Variants in RPN2 observed in about 807,000 individuals in gnomAD.
The protein encoded by RPN2 is dolichyl-diphosphooligosaccharide--protein glycosyltransferase subunit 2.
In RPN2, 29 loss-of-function variants were observed where a neutral mutation model predicts 71.4. The observed-to-expected ratio is 0.41, with a 90% CI of 0.30 to 0.55. The LOEUF is 0.55. Ranked by LOEUF, RPN2 falls within the 20% of genes least tolerant of loss-of-function variation. The probability of loss-of-function intolerance (pLI) is 0.35; values close to 1 mark genes in which losing one functional copy is unlikely to be tolerated. For synonymous variants in RPN2, 308 were observed against 305.0 expected, an observed-to-expected ratio of 1.01 and a Z score of -0.10; for missense variants, 726 against 774.1, an observed-to-expected ratio of 0.94 and a Z score of 0.74.
chr20:37,227,561 C>A (rs2068109603), intron 11 of RPN2, among the ~76,000 whole-genome samples: 1 of 152,166 alleles, frequency 6.6e-6, no homozygotes, highest in African/African-American at 2.4e-5. Context: ...GGTGGTGGTT[C>A]TTTGTTGTTC....
At chr20:37,210,543 T>C in intron 8 of RPN2, among the ~76,000 whole-genome samples, 1 of 151,532 alleles carries the variant, frequency 6.6e-6, no homozygotes. Context: ...TTTTTTTTTT[T>C]TTTTGAGGCG....
chr20:37,208,557 A>G lies in RPN2; in HGVS notation c.867+1108A>G, dbSNP rs77778081. ...TTTACGACAGCTGTTTTAATTCTCA[A>G]TTAATTCTGGTGTTTATGGTTGATC... On this transcript the variant is annotated intron_variant, in intron 7 of 16. Coordinates refer to ENST00000237530, the MANE Select transcript of RPN2 (RefSeq NM_002951.5). 5.1e-3 allele frequency among the ~76,000 whole-genome samples: 774 copies of G among 152,204 alleles called. 10 individuals are homozygous for G. The highest frequency in any genetic ancestry group is 0.03 in the East Asian group (157 of 5,180).
In RPN2 at chr20:37,230,007, C is replaced by T; in HGVS notation, c.1529C>T (p.Ala510Val). 6.2e-7 allele frequency: 1 copy of T among 1,614,182 alleles called. No homozygotes were observed. Among genetic ancestry groups the T allele is most frequent in the Non-Finnish European group, 8.5e-7 (1 of 1,180,002 alleles). ...GTCATCAAGTTCCCTGAGGAAGAAG[C>T]TCCCTCGACTGTCTTGTCCCAGAAC... ...DVVIKFPEEE[A>V]PSTVLSQNLF... Residue 510 changes from alanine to valine, a missense_variant, in exon 13 of 17, where the codon GCT (alanine) becomes GTT (valine). By Grantham distance (64) the Ala-to-Val change is moderately conservative (BLOSUM62 0). Coordinates refer to ENST00000237530, the MANE Select transcript of RPN2 (RefSeq NM_002951.5).
At chr20:37,223,208 G>A (rs1437866162) in intron 9 of RPN2, among the ~76,000 whole-genome samples, 1 of 152,150 alleles carries the variant, frequency 6.6e-6, no homozygotes, top group Non-Finnish European at 1.5e-5. Context: ...TGACTCCATG[G>A]GGGCAGGGAA....
At chr20:37,232,203 A>C in intron 13 of RPN2, 93 bp from the exon 14 acceptor site, 2 of 1,500,848 alleles carry the variant, frequency 1.3e-6, no homozygotes, top group Non-Finnish European at 1.9e-6. Flanking sequence ...TATCCTCTTC[A>C]TGACTGACAT....
intron 16 of RPN2, chr20:37,238,719 C>G: frequency 1.4e-6 from 1 of 701,378 alleles, no homozygotes; most frequent in Non-Finnish European, 2.7e-6. Context: ...TTCATTCTCC[C>G]TTATATCCCG....
intron 2 of RPN2, among the ~76,000 whole-genome samples, chr20:37,195,932 T>TA (rs1294322037): frequency 6.6e-6 from 1 of 152,142 alleles, no homozygotes; most frequent in African/African-American, 2.4e-5. Flanking sequence ...TTCATAAAAT[T>TA]AAAAAAATGC....
chr20:37,184,282 C>G lies in RPN2; in HGVS notation c.116C>G (p.Ala39Gly), dbSNP rs1255102030. ...AAGCATGACGTGGAGAGACTAAAAG[C>G]CTCGCTGGATCGCCCTTTCACAAAT... The part of the protein sequence containing the change: ...LTKHDVERLK[A>G]SLDRPFTNLE... Residue 39 changes from alanine (A) to glycine (G), a missense_variant, in exon 2 of 17, where the codon GCC (alanine) becomes GGC (glycine). Transcript: ENST00000237530. 5 of 1,614,180 alleles carry G rather than the reference C, an allele frequency of 3.1e-6. No individual in the cohort carries two copies. Among genetic ancestry groups the G allele is most frequent in the Non-Finnish European group, 4.2e-6 (5 of 1,180,036 alleles).
chr20:37,180,056 G>T (rs1289319010), intron 1 of RPN2, among the ~76,000 whole-genome samples: 1 of 152,186 alleles, frequency 6.6e-6, no homozygotes, highest in Non-Finnish European at 1.5e-5. Flanking sequence ...TAAGTTAACT[G>T]CATTGGAAGT....
At chr20:37,239,573 ATTTG>A (rs77568639) in intron 16 of RPN2, among the ~76,000 whole-genome samples, 120,065 of 149,472 alleles carry the variant, frequency 0.8, 48,766 homozygotes, top group African/African-American at 0.94. Flanking sequence ...AGGGAACTGC[ATTTG>A]TTTGTTTGTT....
chr20:37,205,058 G>GTAAT, intron 6 of RPN2, among the ~76,000 whole-genome samples, 157 bp downstream of exon 6: 1 of 152,286 alleles, frequency 6.6e-6, no homozygotes, highest in South Asian at 2.1e-4. Flanking sequence ...ATAGAAAGAT[G>GTAAT]TAATGCCTGT....
intron 1 of RPN2, among the ~76,000 whole-genome samples, chr20:37,183,287 T>C (rs1167867947): frequency 6.6e-6 from 1 of 151,952 alleles, no homozygotes; most frequent in Non-Finnish European, 1.5e-5. Flanking sequence ...CATTCTCAGC[T>C]CTCTGCAACC....
chr20:37,193,135 A>C (rs886753094), intron 2 of RPN2, among the ~76,000 whole-genome samples: 1 of 152,150 alleles, frequency 6.6e-6, no homozygotes, highest in Non-Finnish European at 1.5e-5. Flanking sequence ...CTCAAAACAA[A>C]AACAAAACAA....
At chr20:37,191,035 C>T (rs1451375469) in intron 2 of RPN2, among the ~76,000 whole-genome samples, 2 of 152,168 alleles carry the variant, frequency 1.3e-5, no homozygotes, top group Non-Finnish European at 2.9e-5. Context: ...ACACTGTTGC[C>T]TATTCTCACA....
intron 4 of RPN2, among the ~76,000 whole-genome samples, chr20:37,202,549 G>C (rs578261864): frequency 6.6e-6 from 1 of 152,080 alleles, no homozygotes; most frequent in Non-Finnish European, 1.5e-5. Context: ...TAACCACCAG[G>C]GGGCCTCTCC....
intron 8 of RPN2, among the ~76,000 whole-genome samples, chr20:37,212,542 G>A (rs183705532): frequency 2.0e-5 from 3 of 150,770 alleles, no homozygotes; most frequent in East Asian, 1.9e-4. Flanking sequence ...ATGCAGTGGC[G>A]TGATCTTGGT....
At chr20:37,227,033 C>G (rs1327266667) in intron 11 of RPN2, among the ~76,000 whole-genome samples, 1 of 152,230 alleles carries the variant, frequency 6.6e-6, no homozygotes, top group Admixed American at 6.5e-5. Context: ...CTGTTTCTTG[C>G]AGCTGCAGCT....
intron 4 of RPN2, among the ~76,000 whole-genome samples, chr20:37,201,502 G>A (rs953495727): frequency 2.6e-5 from 4 of 151,994 alleles, no homozygotes; most frequent in Admixed American, 6.5e-5. Context: ...TGTACCCAAC[G>A]GAGTTAATAA....
At chr20:37,211,412 G>A (rs1289727838) in intron 8 of RPN2, among the ~76,000 whole-genome samples, 1 of 150,736 alleles carries the variant, frequency 6.6e-6, no homozygotes, top group Non-Finnish European at 1.5e-5. Context: ...GCCAAGGTGG[G>A]CGGATCACTT....
Sources: allele counts gnomAD v4.1 joint callset (sites outside exome capture counted in the v4.1 genomes callset), GRCh38; gene constraint gnomAD v4.1.1; transcripts MANE v1.5; gene names NCBI Gene and HGNC (gene_info 2026-07-23, HGNC 2026-07-21).